Variants in KAZN observed in about 807,000 individuals in gnomAD.
KAZN encodes kazrin.
KAZN carries 40 observed loss-of-function variants against 87.4 expected under a neutral mutation model. That is an observed-to-expected ratio of 0.46 (90% CI 0.36 to 0.60). The LOEUF (loss-of-function observed/expected upper bound fraction) is 0.60, where lower values mean the gene tolerates loss of function less well. KAZN is among the 20% of genes least tolerant of loss of function. The pLI is 0.00. For synonymous variants in KAZN, 466 were observed against 458.3 expected (o/e 1.02, Z -0.22); for missense variants, 898 against 1,073.9 (o/e 0.84, Z 2.29).
intron 1 of KAZN, among the ~76,000 whole-genome samples, chr1:14,683,388 T>C (rs537966785): frequency 1.6e-4 from 25 of 152,158 alleles, no homozygotes; most frequent in Non-Finnish European, 3.5e-4. Flanking sequence ...TGCAAAGATA[T>C]TCCACCCATT....
chr1:14,764,386 A>ACCCCCCCCCCCCCCCCC (rs55743205), intron 1 of KAZN, among the ~76,000 whole-genome samples: 1 of 117,450 alleles, frequency 8.5e-6, no homozygotes, highest in Non-Finnish European at 1.8e-5. Flanking sequence ...CCTCCCCCAC[A>ACCCCCCCCCCCCCCCCC]CCCCCCCCAC....
At position 14,497,334 on chromosome 1, in the gene KAZN, CTAAAAAA is replaced by C. The variant is rs1266423548; in HGVS notation, c.250-101648_250-101642del. Among the ~76,000 whole-genome samples, 83 of 20,474 alleles carry C rather than the reference CTAAAAAA, an allele frequency of 4.1e-3. 1 individual carries two copies. Among genetic ancestry groups the C allele is most frequent in the Admixed American group, 9.9e-3 (21 of 2,128 alleles). The allele number at this position is 20,474 out of a possible 152,430, so 13.4% of individuals were successfully genotyped here. A position where few individuals can be genotyped will look rare whatever the true frequency, so the allele number is the denominator to read the frequency against. ...TTCTATGCTTTACTTAATTCTGTTA[CTAAAAAA>C]AAAAAAAAAAAAAAAAAAAAAAGAT... is the stretch of plus-strand genomic sequence containing the variant. On this transcript the variant is annotated intron_variant, in intron 2 of 16. Transcript: ENST00000636203.
intron 2 of KAZN, among the ~76,000 whole-genome samples, chr1:14,197,332 G>C (rs143049249): frequency 1.2e-3 from 170 of 144,576 alleles, no homozygotes; most frequent in African/African-American, 4.3e-3. Context: ...CAAGGTGGAA[G>C]GAATTTGAGA....
intron 2 of KAZN, chr1:14,304,736 T>A (rs1050160071): frequency 7.5e-6 from 3 of 397,810 alleles, no homozygotes; most frequent in African/African-American, 4.1e-5. Flanking sequence ...TTCTAGTACA[T>A]GTGGCATTAC....
At chr1:14,878,523 T>A (rs1653007477) in intron 1 of KAZN, among the ~76,000 whole-genome samples, 1 of 152,154 alleles carries the variant, frequency 6.6e-6, no homozygotes. Flanking sequence ...GGCCTCAGTT[T>A]CCCCATCTGT....
At chr1:13,975,395 A>G (rs537095073) in intron 1 of KAZN, among the ~76,000 whole-genome samples, 2 of 152,172 alleles carry the variant, frequency 1.3e-5, no homozygotes, top group Admixed American at 6.5e-5. Context: ...GGAGCTTCAG[A>G]TATCAGTGGG....
chr1:14,315,585 G>C (rs1283717767), intron 2 of KAZN, among the ~76,000 whole-genome samples: 1 of 151,952 alleles, frequency 6.6e-6, no homozygotes, highest in Admixed American at 6.6e-5. Flanking sequence ...GGCAGACACT[G>C]ACCTGCTTTC....
At chr1:14,392,928 G>A (rs1662578295) in intron 2 of KAZN, among the ~76,000 whole-genome samples, 1 of 152,114 alleles carries the variant, frequency 6.6e-6, no homozygotes, top group East Asian at 1.9e-4. Context: ...GGTCAGGAGG[G>A]GAGGGTATTG....
chr1:14,262,066 A>T (rs1286295004), intron 2 of KAZN, among the ~76,000 whole-genome samples: 2 of 152,188 alleles, frequency 1.3e-5, no homozygotes, highest in African/African-American at 4.8e-5. Flanking sequence ...CAAACCAATG[A>T]TGCAAATTTT....
At chr1:13,902,147 T>G (rs1639274831) in intron 1 of KAZN, among the ~76,000 whole-genome samples, 1 of 152,210 alleles carries the variant, frequency 6.6e-6, no homozygotes, top group Non-Finnish European at 1.5e-5. Context: ...GTCTCTGGAT[T>G]TGGTGAGATA....
At chr1:14,348,051 ATTT>A (rs70997137) in intron 2 of KAZN, among the ~76,000 whole-genome samples, 1 of 117,870 alleles carries the variant, frequency 8.5e-6, no homozygotes, top group Non-Finnish European at 1.7e-5. Context: ...CACCTGGCTA[ATTT>A]TTTTTTTTTT....
intron 1 of KAZN, among the ~76,000 whole-genome samples, chr1:14,851,843 C>T (rs1052971854): frequency 1.3e-5 from 2 of 152,182 alleles, no homozygotes; most frequent in East Asian, 1.9e-4. Context: ...CACTGTGTAG[C>T]GATCGCTCCA....
chr1:14,895,357 C>T (rs1483210339), intron 1 of KAZN, among the ~76,000 whole-genome samples: 3 of 152,258 alleles, frequency 2.0e-5, no homozygotes, highest in Non-Finnish European at 2.9e-5. Flanking sequence ...TTAGCATAAG[C>T]AACGTGCTTT....
At chr1:14,840,183 C>A (rs1230342577) in intron 1 of KAZN, among the ~76,000 whole-genome samples, 2 of 152,174 alleles carry the variant, frequency 1.3e-5, no homozygotes, top group African/African-American at 4.8e-5. Context: ...ACGGTGATTG[C>A]CGATTCAAGT....
At chr1:14,907,823 C>T (rs75920394) in intron 1 of KAZN, among the ~76,000 whole-genome samples, 2,697 of 152,188 alleles carry the variant, frequency 0.018, 71 homozygotes, top group African/African-American at 0.061. Flanking sequence ...GGTGGATCCC[C>T]GCTCAGCTCT....
intron 1 of KAZN, among the ~76,000 whole-genome samples, chr1:14,715,980 A>G (rs923011924): frequency 1.3e-5 from 2 of 152,214 alleles, no homozygotes; most frequent in African/African-American, 2.4e-5. Context: ...TCTTTAATCA[A>G]CTGTGGTCAG....
intron 2 of KAZN, among the ~76,000 whole-genome samples, chr1:14,488,107 G>T (rs1440192376): frequency 6.6e-6 from 1 of 152,186 alleles, no homozygotes; most frequent in East Asian, 1.9e-4. Context: ...TTACAACAGG[G>T]ATCATAGATG....
intron 1 of KAZN, among the ~76,000 whole-genome samples, chr1:14,115,476 TG>T (rs1015305655): frequency 4.6e-5 from 7 of 152,226 alleles, no homozygotes; most frequent in Admixed American, 4.6e-4. Flanking sequence ...GAACTTTCCC[TG>T]CACAAGCTTC....
intron 2 of KAZN, among the ~76,000 whole-genome samples, chr1:14,245,024 G>C (rs1487796799): frequency 6.6e-6 from 1 of 151,908 alleles, no homozygotes; most frequent in East Asian, 1.9e-4. Context: ...GCAGTGGCGA[G>C]ATCTCGGCTC....
Sources: allele counts gnomAD v4.1 joint callset (sites outside exome capture counted in the v4.1 genomes callset), GRCh38; gene constraint gnomAD v4.1.1; transcripts MANE v1.5; gene names NCBI Gene and HGNC (gene_info 2026-07-23, HGNC 2026-07-21).